PARVB: variants seen among roughly 807,000 people sequenced by gnomAD.
The protein encoded by PARVB is parvin beta, also known as beta-parvin.
PARVB carries 46 observed loss-of-function variants against 47.0 expected under a neutral mutation model. That is an observed-to-expected ratio of 0.98 (90% CI 0.77 to 1.25). The LOEUF is 1.25. PARVB is among the 50% of genes most tolerant of loss of function. The probability of loss-of-function intolerance (pLI) is 0.00; values close to 1 mark genes in which losing one functional copy is unlikely to be tolerated. For missense variants in PARVB, 473 were observed against 471.6 expected (o/e 1.00, Z -0.03); for synonymous variants, 196 against 196.3 (o/e 1.00, Z 0.01).
chr22:44,013,368 G>A (rs1029767592), intron 2 of PARVB, among the ~76,000 whole-genome samples: 2 of 152,178 alleles, frequency 1.3e-5, no homozygotes, highest in African/African-American at 4.8e-5. Flanking sequence ...AAATGCACAC[G>A]TTTCAGTGGA....
At chr22:44,075,392 G>C (rs1024054810) in intron 1 of PARVB, among the ~76,000 whole-genome samples, 4 of 152,198 alleles carry the variant, frequency 2.6e-5, no homozygotes, top group African/African-American at 9.7e-5. Context: ...GCCCCACCAC[G>C]CACACTATCA....
At chr22:44,029,984 C>T (rs2050796723) in intron 1 of PARVB, among the ~76,000 whole-genome samples, 1 of 152,216 alleles carries the variant, frequency 6.6e-6, no homozygotes, top group African/African-American at 2.4e-5. Flanking sequence ...TATTAAGTTT[C>T]TTTGTGGACT....
intron 1 of PARVB, among the ~76,000 whole-genome samples, chr22:44,088,865 C>T (rs2052095032): frequency 6.6e-6 from 1 of 152,184 alleles, no homozygotes. Context: ...GTGCTCTCCC[C>T]CTTTCCAATG....
intron 4 of PARVB, among the ~76,000 whole-genome samples, chr22:44,123,440 G>A (rs975181612): frequency 5.9e-5 from 9 of 152,094 alleles, no homozygotes; most frequent in African/African-American, 2.4e-5. Context: ...TCAAGACAGG[G>A]TCTCACTCCA....
chr22:44,159,937 A>T (rs1158899176), intron 11 of PARVB, among the ~76,000 whole-genome samples: 8 of 152,300 alleles, frequency 5.3e-5, no homozygotes, highest in African/African-American at 1.9e-4. Flanking sequence ...GGAGGGACTG[A>T]GGTTCAGTGA....
chr22:44,156,879 G>A (rs2053947158), intron 10 of PARVB, among the ~76,000 whole-genome samples: 2 of 152,242 alleles, frequency 1.3e-5, no homozygotes, highest in South Asian at 4.1e-4. Context: ...CTGGGGGGAA[G>A]GTAGAATAGA....
chr22:44,147,711 T>A lies in PARVB; in HGVS notation c.713-150T>A, dbSNP rs1373349735. 3 of 780,014 alleles carry A rather than the reference T, an allele frequency of 3.8e-6. No individual in the cohort carries two copies. In the African/African-American group the frequency reaches 5.1e-5, roughly 13 times the overall value. The allele number at this position is 780,014 out of a possible 1,614,324, so 48.3% of individuals were successfully genotyped here. On this transcript the variant is annotated intron_variant, in intron 8 of 12. Transcript: ENST00000338758. ...GGACTGATCATCAGGGTCAGCCCTT[T>A]CATTCTGGTAGGAATTGGAAGGATT...
chr22:44,115,953 C>T (rs1421947962), intron 3 of PARVB: 3 of 152,534 alleles, frequency 2.0e-5, no homozygotes, highest in Non-Finnish European at 2.9e-5. Context: ...TGCACCAACA[C>T]AGATACATTG....
intron 1 of PARVB, among the ~76,000 whole-genome samples, chr22:44,083,862 T>C (rs2051964438): frequency 6.6e-6 from 1 of 152,152 alleles, no homozygotes; most frequent in Non-Finnish European, 1.5e-5. Flanking sequence ...TGGAAGGATT[T>C]CTACATCAGA....
chr22:44,097,943 A>G (rs16991463), intron 2 of PARVB, among the ~76,000 whole-genome samples: 15,154 of 152,134 alleles, frequency 0.1, 776 homozygotes, highest in Middle Eastern at 0.18. Flanking sequence ...CAAGAAGCAC[A>G]CAGTCCTGGG....
At chr22:44,019,003 C>G (rs2050614977) in intron 2 of PARVB, among the ~76,000 whole-genome samples, 1 of 152,106 alleles carries the variant, frequency 6.6e-6, no homozygotes, top group Non-Finnish European at 1.5e-5. Context: ...CTGCAACCTC[C>G]ACCTCCAGGT....
upstream of PARVB, among the ~76,000 whole-genome samples, chr22:44,023,492 C>A (rs955705439): frequency 2.0e-5 from 3 of 149,600 alleles, no homozygotes; most frequent in East Asian, 2.0e-4. Context: ...GCCTGGGCAA[C>A]AAAGCAAGAC....
intron 4 of PARVB, among the ~76,000 whole-genome samples, chr22:44,129,832 C>T (rs938946803): frequency 2.6e-5 from 4 of 152,204 alleles, no homozygotes; most frequent in Admixed American, 6.5e-5. Flanking sequence ...GTTTATCTCC[C>T]CACTAGGGAC....
rs1345336192 is a variant in PARVB, at chr22:44,163,921, C to T, written c.1009C>T (p.Arg337Cys). The T allele has an allele frequency of 9.3e-6, 15 of 1,609,228 alleles. No individual in the cohort carries two copies. Among genetic ancestry groups the T allele is most frequent in the Non-Finnish European group, 1.3e-5 (15 of 1,177,758 alleles). Residue 337 changes from arginine to cysteine, a missense_variant, in exon 12 of 13, where the codon CGT becomes TGT. Transcript: ENST00000338758. ...LDGGLKKPKARPEDVVNLDLK... is the reference protein window; with the variant it reads ...LDGGLKKPKACPEDVVNLDLK... ...CGGAGGCCTCAAGAAACCCAAGGCT[C>T]GTCCTGAAGGTAATGCCCCTGGCTC...
chr22:44,128,720 C>T (rs2053245200), intron 4 of PARVB, among the ~76,000 whole-genome samples: 1 of 152,204 alleles, frequency 6.6e-6, no homozygotes. Context: ...GCCTGGCAGC[C>T]TCCCACTGTC....
intron 3 of PARVB, chr22:44,113,819 G>A (rs374724172): frequency 2.8e-4 from 13 of 46,864 alleles, no homozygotes; most frequent in East Asian, 9.8e-4. Flanking sequence ...ACACAGATAC[G>A]TTGTTACTAA....
intron 1 of PARVB, among the ~76,000 whole-genome samples, chr22:44,043,666 T>C (rs908700501): frequency 3.3e-5 from 5 of 152,178 alleles, no homozygotes; most frequent in African/African-American, 1.2e-4. Flanking sequence ...CGTAAGCCAC[T>C]GCGCCCAGCC....
chr22:44,158,172 G>C (rs1421241435), intron 11 of PARVB, 89 bp downstream of exon 11: 4 of 847,582 alleles, frequency 4.7e-6, no homozygotes, highest in African/African-American at 1.7e-5. Context: ...TCTTCCTGCA[G>C]CCTGGCTGCA....
intron 9 of PARVB, 62 bp from the exon 10 acceptor site, chr22:44,151,421 C>A: frequency 8.0e-7 from 1 of 1,250,112 alleles, no homozygotes; most frequent in Non-Finnish European, 1.2e-6. Context: ...CAAGCCTGCC[C>A]CTCCAGATGG....
Sources: allele counts gnomAD v4.1 joint callset (sites outside exome capture counted in the v4.1 genomes callset), GRCh38; gene constraint gnomAD v4.1.1; transcripts MANE v1.5; gene names NCBI Gene and HGNC (gene_info 2026-07-23, HGNC 2026-07-21).